The following ZNF430 variants were observed in gnomAD, a reference collection of about 807,000 sequenced individuals.
ZNF430 encodes the protein zinc finger protein 430.
In ZNF430, 35 loss-of-function variants were observed where a neutral mutation model predicts 56.7. The observed-to-expected ratio is 0.62, with a 90% confidence interval of 0.47 to 0.82. The LOEUF is 0.82. Ranked by LOEUF, ZNF430 falls within the 40% of genes least tolerant of loss-of-function variation. The pLI is 0.00. For missense variants in ZNF430, 574 were observed against 661.0 expected, an observed-to-expected ratio of 0.87 and a Z score of 1.44; for synonymous variants, 212 against 224.3, an observed-to-expected ratio of 0.94 and a Z score of 0.49.
rs763690387 is a variant in ZNF430, at chr19:21,058,066, A to C, written c.*45A>C. On this transcript the variant is annotated 3_prime_UTR_variant, in exon 5 of 5. Transcript: ENST00000261560. The stretch of plus-strand genomic sequence containing the variant: ...AACCCGTCCTGAATTCTTACTAAAC[A>C]TAAGAACATTCATACTGAAGAGGAA... 6.5e-7 allele frequency: 1 copy of C among 1,539,504 alleles called. No individual in the cohort carries two copies. The highest frequency in any genetic ancestry group is 1.2e-5 in the South Asian group (1 of 83,558).
intron 1 of ZNF430, 45 bp from the exon 2 acceptor site, chr19:21,022,744 A>G: frequency 2.3e-6 from 3 of 1,287,560 alleles, no homozygotes; most frequent in Non-Finnish European, 2.3e-6. Flanking sequence ...TATGTCAGTT[A>G]GAGTGTCTAG....
chr19:21,059,657 C>T lies in ZNF430; in HGVS notation c.*1636C>T, dbSNP rs1304557893. 1 of 150,258 alleles carries T rather than the reference C, an allele frequency of 6.7e-6. No individual in the cohort carries two copies. The highest frequency in any genetic ancestry group is 1.5e-5 in the Non-Finnish European group (1 of 67,730). The allele number at this position is 150,258 out of a possible 1,614,324, so 9.3% of individuals were successfully genotyped here. A position where few individuals can be genotyped will look rare whatever the true frequency, so the allele number is the denominator to read the frequency against. On this transcript the variant is annotated 3_prime_UTR_variant, in exon 5 of 5. Transcript: ENST00000261560. The stretch of plus-strand genomic sequence containing the variant: ...ATTACGTTTGAAGTATACTTTATTT[C>T]TTGAAAAAATTACAGATTTTTTGTA...
chr19:21,034,390 C>G (rs554825247), intron 4 of ZNF430: 4 of 432,060 alleles, frequency 9.3e-6, no homozygotes, highest in African/African-American at 6.1e-5. Context: ...TTGGTGATCT[C>G]CCTTCAAGTT....
At chr19:21,038,980 C>T (rs553739905) in intron 4 of ZNF430, among the ~76,000 whole-genome samples, 4 of 151,906 alleles carry the variant, frequency 2.6e-5, no homozygotes, top group South Asian at 2.1e-4. Flanking sequence ...GACAGAGTCT[C>T]TCTCTGTCAT....
Position 21,026,827 on chromosome 19 carries a change from C to CTTTTTTTTTT in ZNF430, c.96+3960_96+3969dup, listed in dbSNP as rs747809260. Among the ~76,000 whole-genome samples, 278 of 68,722 alleles carry CTTTTTTTTTT rather than the reference C, an allele frequency of 4.0e-3. 18 individuals carry two copies. Among genetic ancestry groups the CTTTTTTTTTT allele is most frequent in the Admixed American group, 5.8e-3 (22 of 3,812 alleles). 45.1% of individuals were successfully genotyped at this position (68,722 alleles called of 152,430 possible). On this transcript the variant is annotated intron_variant, in intron 2 of 4. Transcript: ENST00000261560. ...TTGGATGCCTTTTTTCTTTTCTTTT[C>CTTTTTTTTTT]TTTTTTTTTTTTTTTTTTTTTTTGA...
intron 2 of ZNF430, among the ~76,000 whole-genome samples, chr19:21,023,727 C>T (rs1295107654): frequency 6.7e-6 from 1 of 149,004 alleles, no homozygotes; most frequent in African/African-American, 2.6e-5. Flanking sequence ...ATGAGTTTCT[C>T]TCTCTGCAGG....
chr19:21,025,762 CTT>C (rs35823197), intron 2 of ZNF430, among the ~76,000 whole-genome samples: 40,575 of 129,000 alleles, frequency 0.31, 6,332 homozygotes, highest in African/African-American at 0.35. Flanking sequence ...AATTTTTGTA[CTT>C]TTTTTTTTTT....
chr19:21,046,316 TCAAAAAAAAAAAA>T (rs1177912898), intron 4 of ZNF430, among the ~76,000 whole-genome samples: 3 of 79,226 alleles, frequency 3.8e-5, no homozygotes, highest in Non-Finnish European at 8.5e-5. Flanking sequence ...AGACTCCATC[TCAAAAAAAAAAAA>T]AAAAAAAGTT....
intron 4 of ZNF430, among the ~76,000 whole-genome samples, chr19:21,051,537 G>A (rs544239313): frequency 3.9e-5 from 6 of 151,984 alleles, no homozygotes; most frequent in Non-Finnish European, 7.4e-5. Flanking sequence ...TTTGTCACCC[G>A]GGCTGGAGTG....
rs1286258358 is a variant in ZNF430 at position 21,046,203 on chromosome 19, T to G, written c.323-10428T>G. 3.3e-5 allele frequency among the ~76,000 whole-genome samples: 5 copies of G among 151,156 alleles called. No individual in the cohort carries two copies. In the East Asian group the frequency reaches 9.8e-4, roughly 30 times the overall value. On this transcript the variant is annotated intron_variant, in intron 4 of 4. Coordinates refer to ENST00000261560, the MANE Select transcript of ZNF430 (RefSeq NM_025189.4). ...CTGTCATGGTAGTGCTCATCTGTAA[T>G]CCCAGCTGCTCAGGAAGCTGAGGCA...
chr19:21,031,645 G>A (rs1423272102), intron 2 of ZNF430, among the ~76,000 whole-genome samples: 1 of 152,058 alleles, frequency 6.6e-6, no homozygotes, highest in Admixed American at 6.6e-5. Context: ...ACAAAAAGGT[G>A]GTGCTGACAT....
In ZNF430 at chr19:21,057,108, G is replaced by A. The variant is rs1215139412; in HGVS notation, c.800G>A (p.Gly267Asp). The part of the protein sequence containing the change: ...GEKPYKCEQC[G>D]KAFKQSSTLT... ...AAACCCTACAAATGTGAACAATGTG[G>A]CAAAGCTTTTAAGCAGTCCTCAACC... The change falls in exon 5 of 5, where the codon GGC becomes GAC. Residue 267 changes from glycine (G) to aspartate (D), a missense_variant. Gly to Asp is a moderately conservative substitution (Grantham distance 94). Transcript: ENST00000261560. 5 of 1,613,962 alleles carry A rather than the reference G, an allele frequency of 3.1e-6. No homozygotes were observed. Among genetic ancestry groups the A allele is most frequent in the African/African-American group, 2.7e-5 (2 of 74,926 alleles).
chr19:21,021,500 G>GA (rs999154959), intron 1 of ZNF430, among the ~76,000 whole-genome samples: 20 of 147,718 alleles, frequency 1.4e-4, no homozygotes, highest in South Asian at 6.4e-4. Context: ...CTCCGTCTCG[G>GA]AAAAAAAAAA....
chr19:21,033,155 GACCAGCC>G (rs1157976235), intron 2 of ZNF430, among the ~76,000 whole-genome samples: 1 of 152,056 alleles, frequency 6.6e-6, no homozygotes. Context: ...GAGAGTTCGT[GACCAGCC>G]TGACCAACAT....
rs997385696 is a variant in ZNF430 at position 21,057,137 on chromosome 19, A to G, written c.829A>G (p.Thr277Ala). 1 of 1,614,080 alleles carries G rather than the reference A, an allele frequency of 6.2e-7. No homozygotes were observed. Among genetic ancestry groups the G allele is most frequent in the African/African-American group, 1.3e-5 (1 of 75,050 alleles). The change falls in exon 5 of 5, where the codon ACT becomes GCT. Residue 277 changes from threonine to alanine, a missense_variant. Thr to Ala is a moderately conservative substitution (Grantham distance 58). Transcript: ENST00000261560. ...GKAFKQSSTLTTHKIIHTGEK... is the reference protein window; with the variant it reads ...GKAFKQSSTLATHKIIHTGEK... ...AGCTTTTAAGCAGTCCTCAACCCTT[A>G]CTACACATAAGATAATTCATACTGG...
At chr19:21,044,619 C>T (rs948346359) in intron 4 of ZNF430, among the ~76,000 whole-genome samples, 1 of 152,138 alleles carries the variant, frequency 6.6e-6, no homozygotes, top group African/African-American at 2.4e-5. Flanking sequence ...AGTGGAGTCC[C>T]TCTTTTTCTA....
intron 4 of ZNF430, among the ~76,000 whole-genome samples, chr19:21,054,669 CTTTTTTTTTTTTTT>C (rs55772412): frequency 1.5e-5 from 1 of 65,582 alleles, no homozygotes; most frequent in Middle Eastern, 0.02. Flanking sequence ...ATTTTTACGT[CTTTTTTTTTTTTTT>C]TTTTTTTTTT....
intron 2 of ZNF430, among the ~76,000 whole-genome samples, chr19:21,031,718 T>A (rs1375165912): frequency 6.6e-6 from 1 of 152,144 alleles, no homozygotes; most frequent in Non-Finnish European, 1.5e-5. Context: ...CTAAAAAGGA[T>A]TTTCAGAGAA....
intron 4 of ZNF430, among the ~76,000 whole-genome samples, chr19:21,041,534 C>T (rs1278766129): frequency 6.6e-6 from 1 of 152,138 alleles, no homozygotes; most frequent in Non-Finnish European, 1.5e-5. Context: ...TTCTGGGATA[C>T]ATGTACAGGA....
Sources: gnomAD v4.1 joint callset for allele counts (sites outside exome capture counted in the v4.1 genomes callset) on GRCh38, gnomAD v4.1.1 for gene constraint, MANE v1.5 for transcripts, NCBI Gene and HGNC (gene_info 2026-07-23, HGNC 2026-07-21) for gene names.